The following STAT5B variants were observed in gnomAD, a reference collection of about 807,000 sequenced individuals.
The protein encoded by STAT5B is signal transducer and activator of transcription 5B, also known as transcription factor STAT5B.
Under a neutral mutation model 107.8 loss-of-function variants are expected in STAT5B, and 21 were observed. That is an observed-to-expected ratio of 0.19 (90% confidence interval 0.14 to 0.28). The LOEUF (loss-of-function observed/expected upper bound fraction) is 0.28. Among genes scored for constraint, STAT5B ranks in the 10% least tolerant of loss-of-function variants. STAT5B has a pLI of 1.00. For synonymous variants in STAT5B, 325 were observed against 401.7 expected (o/e 0.81, Z 2.28); for missense variants, 565 against 1,008.2 (o/e 0.56, Z 5.95).
intron 5 of STAT5B, among the ~76,000 whole-genome samples, chr17:42,220,174 T>G (rs2080212538): frequency 6.6e-6 from 1 of 152,176 alleles, no homozygotes; most frequent in African/African-American, 2.4e-5. Flanking sequence ...GGGTCCAGGC[T>G]GTCTGGGGTG....
intron 1 of STAT5B, among the ~76,000 whole-genome samples, chr17:42,251,998 CAAAAAAA>C (rs78151719): frequency 4.3e-5 from 3 of 69,418 alleles, no homozygotes; most frequent in Admixed American, 1.7e-4. Context: ...GGCTCCGTCT[CAAAAAAA>C]AAAAAAAAGA....
At chr17:42,272,753 A>G (rs1054860361) in intron 1 of STAT5B, 2 of 152,234 alleles carry the variant, frequency 1.3e-5, no homozygotes, top group East Asian at 3.9e-4. Flanking sequence ...CCACCCCAAT[A>G]TTACCATTTA....
intron 16 of STAT5B, among the ~76,000 whole-genome samples, chr17:42,203,753 A>G (rs2144198150): frequency 6.6e-6 from 1 of 151,996 alleles, no homozygotes; most frequent in East Asian, 1.9e-4. Flanking sequence ...CAGCCTCCCG[A>G]GTAGCTGGGA....
At chr17:42,238,641 T>C (rs1194928122) in intron 1 of STAT5B, among the ~76,000 whole-genome samples, 2 of 151,076 alleles carry the variant, frequency 1.3e-5, no homozygotes, top group African/African-American at 4.9e-5. Flanking sequence ...TTAGTAGAGA[T>C]GGAGTTTTAC....
At chr17:42,241,262 C>T (rs1037069060) in intron 1 of STAT5B, among the ~76,000 whole-genome samples, 6 of 151,144 alleles carry the variant, frequency 4.0e-5, no homozygotes, top group South Asian at 4.2e-4. Flanking sequence ...ATCTCTTGAA[C>T]CTGGGAGGTA....
At chr17:42,251,376 G>T (rs1431573174) in intron 1 of STAT5B, among the ~76,000 whole-genome samples, 1 of 152,164 alleles carries the variant, frequency 6.6e-6, no homozygotes, top group Non-Finnish European at 1.5e-5. Context: ...TGTTAAACTT[G>T]TTCGCAAATT....
chr17:42,242,953 C>T (rs1305566633), intron 1 of STAT5B, among the ~76,000 whole-genome samples: 1 of 151,340 alleles, frequency 6.6e-6, no homozygotes, highest in Middle Eastern at 3.2e-3. Flanking sequence ...CATCACCACT[C>T]CCTAATCTCA....
chr17:42,205,923 C>A (rs1055750632), intron 16 of STAT5B, among the ~76,000 whole-genome samples: 15 of 151,480 alleles, frequency 9.9e-5, no homozygotes, highest in South Asian at 6.3e-4. Context: ...AAAACAACAA[C>A]AAAAAAAACA....
At chr17:42,269,668 T>C (rs1470298167) in intron 1 of STAT5B, 2 of 152,160 alleles carry the variant, frequency 1.3e-5, no homozygotes, top group Non-Finnish European at 1.5e-5. Flanking sequence ...CTCTGTTTAT[T>C]TGAACAAGTT....
intron 3 of STAT5B, among the ~76,000 whole-genome samples, chr17:42,227,180 G>A (rs1009053746): frequency 4.6e-5 from 2 of 43,058 alleles, no homozygotes; most frequent in Admixed American, 4.4e-4. Context: ...AATAGAAAAT[G>A]CACAGAGGTA....
At position 42,217,143 on chromosome 17, in the gene STAT5B, C is replaced by G. The variant is rs772835456; in HGVS notation, c.1380+17G>C. On this transcript the variant is annotated intron_variant, in intron 11 of 18. Transcript: ENST00000293328. ...CACACACGCACACGCACACGCAGAG[C>G]TGAGGGAAGGCTTTACCTTGACTTG... 23 of 1,606,928 alleles carry G rather than the reference C, an allele frequency of 1.4e-5. 1 individual carries two copies. The highest frequency in any genetic ancestry group is 2.3e-5 in the East Asian group (1 of 44,004).
chr17:42,207,001 C>T (rs924655965), intron 16 of STAT5B, among the ~76,000 whole-genome samples: 3 of 151,814 alleles, frequency 2.0e-5, no homozygotes, highest in African/African-American at 4.8e-5. Flanking sequence ...CTCAGCCTCC[C>T]GAGTACCTGC....
At chr17:42,266,660 T>C (rs1598341570) in intron 1 of STAT5B, among the ~76,000 whole-genome samples, 1 of 151,060 alleles carries the variant, frequency 6.6e-6, no homozygotes, top group Admixed American at 6.6e-5. Context: ...GGTGTGGAGG[T>C]GGAGGTGGGA....
At chr17:42,260,102 T>C (rs2080581782) in intron 1 of STAT5B, among the ~76,000 whole-genome samples, 1 of 152,238 alleles carries the variant, frequency 6.6e-6, no homozygotes, top group Admixed American at 6.5e-5. Context: ...ACTTGAAATG[T>C]AGCTAGTGCG....
intron 12 of STAT5B, 113 bp from the exon 13 acceptor site, chr17:42,212,303 A>C (rs1043949135): frequency 1.4e-5 from 21 of 1,535,030 alleles, no homozygotes; most frequent in Non-Finnish European, 1.9e-5. Flanking sequence ...TTTGTCTTGC[A>C]GGGCCTGAGG....
chr17:42,204,782 CT>C (rs1182739468), intron 16 of STAT5B, among the ~76,000 whole-genome samples: 1 of 152,160 alleles, frequency 6.6e-6, no homozygotes, highest in Non-Finnish European at 1.5e-5. Flanking sequence ...GCGCAGCTAA[CT>C]TTTTCTTTTT....
intron 2 of STAT5B, among the ~76,000 whole-genome samples, chr17:42,231,384 T>C (rs918868523): frequency 7.2e-5 from 11 of 152,086 alleles, no homozygotes; most frequent in African/African-American, 2.7e-4. Flanking sequence ...CTCTGTTGCT[T>C]AGGCTGGAGT....
chr17:42,272,076 C>T (rs2080725904), intron 1 of STAT5B: 1 of 151,622 alleles, frequency 6.6e-6, no homozygotes, highest in Non-Finnish European at 1.5e-5. Flanking sequence ...AGAACACTTG[C>T]TTTAATCACT....
intron 1 of STAT5B, among the ~76,000 whole-genome samples, chr17:42,241,785 C>T (rs939876170): frequency 6.6e-6 from 1 of 152,012 alleles, no homozygotes; most frequent in African/African-American, 2.4e-5. Flanking sequence ...TCAATAGCAG[C>T]AATAAAGGAT....
Sources: allele counts gnomAD v4.1 joint callset (sites outside exome capture counted in the v4.1 genomes callset), GRCh38; gene constraint gnomAD v4.1.1; transcripts MANE v1.5; gene names NCBI Gene and HGNC (gene_info 2026-07-23, HGNC 2026-07-21).